Variants in PITPNM3 observed in about 807,000 individuals in gnomAD.
PITPNM3 encodes membrane-associated phosphatidylinositol transfer protein 3.
Under a neutral mutation model 102.0 loss-of-function variants are expected in PITPNM3, and 26 were observed. That is an observed-to-expected ratio of 0.25 (90% CI 0.19 to 0.35). The LOEUF (loss-of-function observed/expected upper bound fraction) is 0.35, where lower values mean the gene tolerates loss of function less well. PITPNM3 is among the 10% of genes least tolerant of loss of function. The pLI is 1.00. For missense variants in PITPNM3, 1,083 were observed against 1,346.1 expected (o/e 0.80, Z 3.06); for synonymous variants, 578 against 558.6 (o/e 1.03, Z -0.49).
At position 6,525,951 on chromosome 17, in the gene PITPNM3, A is replaced by G. The variant is rs372460850; in HGVS notation, c.119-488T>C. On this transcript the variant is annotated intron_variant, in intron 2 of 19. Transcript: ENST00000262483. The stretch of plus-strand genomic sequence containing the variant: ...AGAGGAGGTGCTCATAGATGAGAGC[A>G]ATCATGATGATGTCATCACATGAGA... 1.3e-3 allele frequency among the ~76,000 whole-genome samples: 198 copies of G among 152,354 alleles called. 4 individuals carry two copies. In the South Asian group the frequency reaches 0.039, roughly 30 times the overall value.
intron 3 of PITPNM3, among the ~76,000 whole-genome samples, chr17:6,507,582 TA>T (rs71381399): frequency 2.3e-4 from 34 of 148,132 alleles, no homozygotes; most frequent in African/African-American, 4.7e-4. Context: ...AGACTCCATT[TA>T]AAAAAAAAAA....
chr17:6,494,183 C>T (rs1473853482), intron 4 of PITPNM3, among the ~76,000 whole-genome samples: 8 of 152,154 alleles, frequency 5.3e-5, no homozygotes, highest in Non-Finnish European at 1.2e-4. Flanking sequence ...TGATTTCTCT[C>T]AAGATGTAAG....
intron 9 of PITPNM3, among the ~76,000 whole-genome samples, chr17:6,475,446 C>T (rs930621668): frequency 9.7e-4 from 147 of 152,304 alleles, no homozygotes; most frequent in Non-Finnish European, 1.9e-3. Context: ...AGCAACTAAA[C>T]TACTTGAGTC....
At chr17:6,546,932 G>A (rs937565868) in intron 1 of PITPNM3, among the ~76,000 whole-genome samples, 10 of 152,124 alleles carry the variant, frequency 6.6e-5, no homozygotes, top group Admixed American at 2.6e-4. Context: ...GCTTGAACCC[G>A]GGAGGTGGAT....
Position 6,556,351 on chromosome 17 carries a change from GC to G in PITPNM3, c.22+33del, listed in dbSNP as rs1285287127. Reference sequence around the variant, plus strand: ...CTAGACGCGCGAGTCCCTCCCCCGGGCCCCGGCCCTGCCCTCCCCGCGCCCG... The same window carrying G: ...CTAGACGCGCGAGTCCCTCCCCCGGGCCCGGCCCTGCCCTCCCCGCGCCCG... On this transcript the variant is annotated intron_variant, in intron 1 of 19. Transcript: ENST00000262483. This position sits in a 1 kb window ranked among gnomAD's most constrained non-coding sequence, Gnocchi z 5.2. 5.7e-6 allele frequency: 8 copies of G among 1,400,600 alleles called. No individual in the cohort carries two copies. Among genetic ancestry groups the G allele is most frequent in the South Asian group, 2.9e-5 (2 of 68,308 alleles). The allele number at this position is 1,400,600 out of a possible 1,614,324, so 86.8% of individuals were successfully genotyped here.
chr17:6,462,980 T>C (rs1431327737), intron 17 of PITPNM3, among the ~76,000 whole-genome samples: 2 of 151,854 alleles, frequency 1.3e-5, no homozygotes, highest in East Asian at 3.9e-4. Flanking sequence ...TTCCCTGCAG[T>C]GGGAGGGGGA....
At position 6,472,658 on chromosome 17, in the gene PITPNM3, G is replaced by A. The variant is rs775191411; in HGVS notation, c.1428C>T (p.Leu476=). The A allele has an allele frequency of 8.1e-6, 13 of 1,612,272 alleles. No homozygotes were observed. Among genetic ancestry groups the A allele is most frequent in the East Asian group, 2.2e-5 (1 of 44,870 alleles). ...FPLGDGQSLL[L]ADALHTHSPL... ...TCTCTCCCACCCCCAAGAACCTACC[G>A]AGGAGGAGGGACTGCCCATCGCCCA... Residue 476 remains leucine, a splice_region_variant and synonymous_variant, in exon 11 of 20, where the codon CTC becomes CTT. Coordinates refer to ENST00000262483, the MANE Select transcript of PITPNM3 (RefSeq NM_031220.4). This position sits in a 1 kb window ranked among gnomAD's most constrained non-coding sequence, Gnocchi z 4.1.
intron 2 of PITPNM3, among the ~76,000 whole-genome samples, chr17:6,525,732 T>C (rs907242259): frequency 6.6e-6 from 1 of 152,212 alleles, no homozygotes; most frequent in Non-Finnish European, 1.5e-5. Context: ...GAAAGTACCA[T>C]TCCTAGCACT....
In PITPNM3 at chr17:6,455,458, G is replaced by C. The variant is rs746540071; in HGVS notation, c.2805C>G (p.Pro935=). ...CCCGCTCGGGCTTGGGGTTGGCGGCGGGCGGGTCGGGCTGCTGCACTGACA... is the reference window on the plus strand; with the variant it reads ...CCCGCTCGGGCTTGGGGTTGGCGGCCGGCGGGTCGGGCTGCTGCACTGACA... The part of the protein sequence containing the change: ...RTMSVQQPDP[P]AANPKPERAQ... The change falls in exon 20 of 20, where the codon CCC becomes CCG. Residue 935 remains proline, a synonymous_variant. Transcript: ENST00000262483. 3.7e-6 allele frequency: 6 copies of C among 1,604,092 alleles called. No individual in the cohort carries two copies. The highest frequency in any genetic ancestry group is 2.7e-5 in the African/African-American group (2 of 74,804).
intron 4 of PITPNM3, among the ~76,000 whole-genome samples, chr17:6,493,178 G>A (rs1212905386): frequency 6.6e-6 from 1 of 152,236 alleles, no homozygotes; most frequent in East Asian, 1.9e-4. Context: ...GGCTGCCACA[G>A]TTACTTCTCA....
chr17:6,484,419 T>C (rs1034242855), intron 4 of PITPNM3, 127 bp from the exon 5 acceptor site: 1 of 945,576 alleles, frequency 1.1e-6, no homozygotes, highest in Non-Finnish European at 1.7e-6. Flanking sequence ...AGTTAGAGTC[T>C]GGAGCTAGGG....
At chr17:6,544,101 G>A (rs1182828111) in intron 1 of PITPNM3, among the ~76,000 whole-genome samples, 3 of 152,244 alleles carry the variant, frequency 2.0e-5, no homozygotes, top group African/African-American at 7.2e-5. Context: ...CCTGGTGGGT[G>A]CACAGCATTG....
chr17:6,463,474 G>A (rs1396715057), intron 17 of PITPNM3, among the ~76,000 whole-genome samples: 1 of 149,702 alleles, frequency 6.7e-6, no homozygotes, highest in African/African-American at 2.5e-5. Context: ...AAAAAGGAAG[G>A]AATTGAGGGA....
At chr17:6,461,060 G>C in intron 18 of PITPNM3, 1 of 438,514 alleles carries the variant, frequency 2.3e-6, no homozygotes, top group Non-Finnish European at 4.3e-6. Flanking sequence ...CAAGCACAGA[G>C]TAAGGAACAC....
Position 6,509,216 on chromosome 17 carries a change from T to C in PITPNM3, c.227-5642A>G, listed in dbSNP as rs569998418. On this transcript the variant is annotated intron_variant, in intron 3 of 19. Coordinates refer to ENST00000262483, the MANE Select transcript of PITPNM3 (RefSeq NM_031220.4). ...CTGAGAAGATGCTTCTGAGTCCCGC[T>C]AACGGTTTCCTGAGTGATTTTATAA... is the stretch of plus-strand genomic sequence containing the variant. 7.5e-4 allele frequency among the ~76,000 whole-genome samples: 114 copies of C among 152,310 alleles called. No individual in the cohort carries two copies. In the Middle Eastern group the frequency reaches 0.01, roughly 14 times the overall value.
intron 4 of PITPNM3, among the ~76,000 whole-genome samples, chr17:6,496,518 A>G (rs926941402): frequency 6.6e-6 from 1 of 150,528 alleles, no homozygotes; most frequent in African/African-American, 2.4e-5. Context: ...GGGGCCTTCC[A>G]CTCTTCCTGT....
In PITPNM3 at chr17:6,478,238, A is replaced by G; in HGVS notation, c.778-141T>C. 1 of 1,425,384 alleles carries G rather than the reference A, an allele frequency of 7.0e-7. No homozygotes were observed. Among genetic ancestry groups the G allele is most frequent in the South Asian group, 1.3e-5 (1 of 77,410 alleles). 88.3% of individuals were successfully genotyped at this position (1,425,384 alleles called of 1,614,324 possible). On this transcript the variant is annotated intron_variant, in intron 7 of 19. Coordinates refer to ENST00000262483, the MANE Select transcript of PITPNM3 (RefSeq NM_031220.4). This position sits in a 1 kb window ranked among gnomAD's most constrained non-coding sequence, Gnocchi z 4.4. ...TGTTGAGAGAGCCCAACTGGGAAGC[A>G]GTGTGCAAACTGGGGAGGGTCAGGG...
At chr17:6,511,294 G>T (rs1321220151) in intron 3 of PITPNM3, among the ~76,000 whole-genome samples, 1 of 152,122 alleles carries the variant, frequency 6.6e-6, no homozygotes, top group Non-Finnish European at 1.5e-5. Context: ...GAAGTGTCGT[G>T]GTAGGATTGG....
At chr17:6,501,136 G>A (rs1419613713) in intron 4 of PITPNM3, among the ~76,000 whole-genome samples, 2 of 152,176 alleles carry the variant, frequency 1.3e-5, no homozygotes, top group African/African-American at 2.4e-5. Context: ...TTGGCATCCC[G>A]GAGACAAGCC....
Sources: gnomAD v4.1 joint callset for allele counts (sites outside exome capture counted in the v4.1 genomes callset) on GRCh38, gnomAD v4.1.1 for gene constraint, Gnocchi (gnomAD v3.1) non-coding constraint, MANE v1.5 for transcripts, NCBI Gene and HGNC (gene_info 2026-07-23, HGNC 2026-07-21) for gene names.